Variants in FAM81B observed in about 807,000 individuals in gnomAD.
The protein encoded by FAM81B is family with sequence similarity 81 member B.
Under a neutral mutation model 58.7 loss-of-function variants are expected in FAM81B, and 60 were observed. That is an observed-to-expected ratio of 1.02 (90% CI 0.83 to 1.27). FAM81B has a LOEUF of 1.27. Among genes scored for constraint, FAM81B ranks in the 50% most tolerant of loss-of-function variants. The probability of loss-of-function intolerance (pLI) is 0.00; values close to 1 mark genes in which losing one functional copy is unlikely to be tolerated. For synonymous variants in FAM81B, 189 were observed against 179.6 expected (o/e 1.05, Z -0.42); for missense variants, 491 against 522.0 (o/e 0.94, Z 0.58).
intron 3 of FAM81B, among the ~76,000 whole-genome samples, chr5:95,407,427 C>CAT (rs1282169144): frequency 1.4e-5 from 2 of 146,648 alleles, no homozygotes; most frequent in Non-Finnish European, 1.5e-5. Context: ...CACACGCGTG[C>CAT]GCGCACACAA....
At chr5:95,430,816 A>C (rs1054777593) in intron 6 of FAM81B, among the ~76,000 whole-genome samples, 1 of 151,566 alleles carries the variant, frequency 6.6e-6, no homozygotes, top group African/African-American at 2.4e-5. Flanking sequence ...ACACCCACCA[A>C]CAATATGTAA....
chr5:95,443,680 T>A (rs563325602), intron 7 of FAM81B, among the ~76,000 whole-genome samples: 6 of 152,218 alleles, frequency 3.9e-5, no homozygotes. Context: ...ATTCTTTACA[T>A]CTCTCAAGGA....
intron 9 of FAM81B, 78 bp from the exon 10 acceptor site, chr5:95,450,071 G>A: frequency 6.8e-7 from 1 of 1,467,274 alleles, no homozygotes; most frequent in Non-Finnish European, 9.1e-7. Context: ...ATTATGGCAG[G>A]ACTGCCGATT....
At chr5:95,440,602 A>C (rs1180237475) in intron 7 of FAM81B, 1 of 687,906 alleles carries the variant, frequency 1.5e-6, no homozygotes, top group Admixed American at 2.3e-5. Context: ...AGAGAGCTAC[A>C]GACAAAAATT....
At chr5:95,411,743 G>A (rs1043063689) in intron 3 of FAM81B, among the ~76,000 whole-genome samples, 1 of 152,136 alleles carries the variant, frequency 6.6e-6, no homozygotes, top group South Asian at 2.1e-4. Context: ...CACAAATGCA[G>A]TTGTACAAAA....
At chr5:95,427,010 C>G (rs1242992212) in intron 5 of FAM81B, among the ~76,000 whole-genome samples, 1 of 152,136 alleles carries the variant, frequency 6.6e-6, no homozygotes, top group Admixed American at 6.5e-5. Flanking sequence ...GATTGTGCCA[C>G]TGCACTCCAG....
intron 2 of FAM81B, among the ~76,000 whole-genome samples, chr5:95,393,193 C>A (rs1409658410): frequency 1.3e-5 from 2 of 152,148 alleles, no homozygotes; most frequent in African/African-American, 4.8e-5. Flanking sequence ...AAGGTGCAGA[C>A]TTTATCTTTA....
At chr5:95,446,940 GTTT>G (rs764169970) in intron 8 of FAM81B, among the ~76,000 whole-genome samples, 2,452 of 142,154 alleles carry the variant, frequency 0.017, 58 homozygotes, top group African/African-American at 0.061. Flanking sequence ...ATCTGAAGAG[GTTT>G]TTTTTTTTAA....
chr5:95,447,918 A>C (rs183634595), intron 8 of FAM81B, among the ~76,000 whole-genome samples: 75 of 152,286 alleles, frequency 4.9e-4, no homozygotes, highest in Admixed American at 3.0e-3. Context: ...ATTCTAGCCG[A>C]AGTCTGTCCA....
At chr5:95,399,562 C>T (rs1762053829) in intron 3 of FAM81B, among the ~76,000 whole-genome samples, 1 of 152,010 alleles carries the variant, frequency 6.6e-6, no homozygotes, top group Non-Finnish European at 1.5e-5. Flanking sequence ...CCATAGGGAC[C>T]CCCAATTAGT....
intron 7 of FAM81B, chr5:95,440,298 G>A (rs1296886780): frequency 2.0e-6 from 2 of 982,648 alleles, no homozygotes; most frequent in Non-Finnish European, 3.2e-6. Context: ...AAAAACTGCT[G>A]ACAATGCAAC....
intron 5 of FAM81B, chr5:95,424,023 G>A (rs1173996143): frequency 1.2e-5 from 16 of 1,289,200 alleles, no homozygotes; most frequent in African/African-American, 6.1e-5. Context: ...GGATGCAACC[G>A]TGTTCTTTAT....
At position 95,450,168 on chromosome 5, in the gene FAM81B, C is replaced by T; in HGVS notation, c.1245C>T (p.Asp415=). ...TTACAGGATTTAAATCAATTCATGA[C>T]TCTCTCAGCTCCCTCCAACAAATAC... ...EYQSGFKSIH[D]SLSSLQQIQK... is the part of the protein sequence containing the mutation. Residue 415 remains aspartate, a synonymous_variant, in exon 10 of 10, where the codon GAC becomes GAT. Coordinates refer to ENST00000283357, the MANE Select transcript of FAM81B (RefSeq NM_152548.3). 2.5e-6 allele frequency: 4 copies of T among 1,611,866 alleles called. No individual in the cohort carries two copies. Among genetic ancestry groups the T allele is most frequent in the Non-Finnish European group, 3.4e-6 (4 of 1,179,240 alleles).
intron 3 of FAM81B, among the ~76,000 whole-genome samples, chr5:95,405,394 T>C (rs747500164): frequency 6.6e-6 from 1 of 152,236 alleles, no homozygotes; most frequent in African/African-American, 2.4e-5. Flanking sequence ...TCTTTAGCTA[T>C]TTTTTCTGTT....
intron 3 of FAM81B, among the ~76,000 whole-genome samples, chr5:95,402,871 C>T (rs960619221): frequency 6.6e-6 from 1 of 152,212 alleles, no homozygotes; most frequent in African/African-American, 2.4e-5. Context: ...CTTACAACCA[C>T]ACAGCAAAAT....
At chr5:95,446,733 G>T (rs1745582142) in intron 8 of FAM81B, 36 bp downstream of exon 8, 2 of 1,603,760 alleles carry the variant, frequency 1.2e-6, no homozygotes, top group Middle Eastern at 3.3e-4. Flanking sequence ...GCAAGCACCT[G>T]CATAGTCCTT....
At chr5:95,439,954 G>A (rs74541808) in intron 7 of FAM81B, 5,971 of 292,178 alleles carry the variant, frequency 0.02, 78 homozygotes, top group Non-Finnish European at 0.029. Context: ...CAGGAGTTCG[G>A]GTTACAATGA....
chr5:95,436,711 G>C lies in FAM81B; in HGVS notation c.787-89G>C. On this transcript the variant is annotated intron_variant, in intron 6 of 9. Coordinates refer to ENST00000283357, the MANE Select transcript of FAM81B (RefSeq NM_152548.3). The stretch of plus-strand genomic sequence containing the variant: ...TTAAAGGAATAAAGTATATTAATCT[G>C]TTTCCCGGCTCCTTAAAGGAATAAA... The C allele has an allele frequency of 5.7e-6, 5 of 870,798 alleles. No individual in the cohort carries two copies. In the East Asian group the frequency reaches 7.7e-5, roughly 13 times the overall value. 53.9% of individuals were successfully genotyped at this position (870,798 alleles called of 1,614,324 possible).
At chr5:95,399,960 T>G (rs1762063397) in intron 3 of FAM81B, among the ~76,000 whole-genome samples, 1 of 152,190 alleles carries the variant, frequency 6.6e-6, no homozygotes, top group South Asian at 2.1e-4. Context: ...AACTAAAATG[T>G]TTCGCTGCTG....
Sources: allele counts gnomAD v4.1 joint callset (sites outside exome capture counted in the v4.1 genomes callset), GRCh38; gene constraint gnomAD v4.1.1; transcripts MANE v1.5; gene names NCBI Gene and HGNC (gene_info 2026-07-23, HGNC 2026-07-21).